Variants in MAP7 observed in about 807,000 individuals in gnomAD.
MAP7 encodes microtubule associated protein 7.
Under a neutral mutation model 94.8 loss-of-function variants are expected in MAP7, and 52 were observed. That is an observed-to-expected ratio of 0.55 (90% CI 0.44 to 0.69). The LOEUF is 0.69. Ranked by LOEUF, MAP7 falls within the 30% of genes least tolerant of loss-of-function variation. The pLI is 0.00. For synonymous variants in MAP7, 350 were observed against 357.0 expected, an observed-to-expected ratio of 0.98 and a Z score of 0.22; for missense variants, 940 against 964.6, an observed-to-expected ratio of 0.97 and a Z score of 0.34.
chr6:136,367,042 T>C (rs1199869717), intron 8 of MAP7, among the ~76,000 whole-genome samples: 1 of 152,198 alleles, frequency 6.6e-6, no homozygotes, highest in Non-Finnish European at 1.5e-5. Context: ...AGGTTTAAAG[T>C]GAGGAATTTC....
At chr6:136,493,812 C>T (rs1404719008) in intron 1 of MAP7, among the ~76,000 whole-genome samples, 1 of 152,128 alleles carries the variant, frequency 6.6e-6, no homozygotes, top group Non-Finnish European at 1.5e-5. Flanking sequence ...TTTTATCTCC[C>T]CATAAGTCTA....
rs373351424 is a variant in MAP7, at chr6:136,550,207, G to A, written c.67+135C>T. ...TCGGAGCAGGGTGCGCGGCGCGCAG[G>A]GCCGGTTGTTCCGGGCCGCGGCCGC... is the stretch of plus-strand genomic sequence containing the variant. On this transcript the variant is annotated intron_variant, in intron 1 of 17. Coordinates refer to ENST00000354570, the MANE Select transcript of MAP7 (RefSeq NM_003980.6). This position sits in a 1 kb window ranked among gnomAD's most constrained non-coding sequence, Gnocchi z 5.1. 3,064 of 624,936 alleles carry A rather than the reference G, an allele frequency of 4.9e-3. 53 individuals carry two copies. In the East Asian group the frequency reaches 0.055, roughly 11 times the overall value. 38.7% of individuals were successfully genotyped at this position (624,936 alleles called of 1,614,324 possible).
chr6:136,534,947 GGA>G (rs1445336690), intron 1 of MAP7, among the ~76,000 whole-genome samples: 1 of 152,164 alleles, frequency 6.6e-6, no homozygotes, highest in Non-Finnish European at 1.5e-5. Context: ...ACATGGGGAT[GGA>G]GAGAGGGTTG....
intron 1 of MAP7, among the ~76,000 whole-genome samples, chr6:136,486,275 C>T (rs747479487): frequency 6.6e-5 from 10 of 152,044 alleles, no homozygotes; most frequent in African/African-American, 1.7e-4. Context: ...ATTATGTGCC[C>T]GGCAAAATCA....
intron 2 of MAP7, among the ~76,000 whole-genome samples, chr6:136,421,440 C>T (rs1791322866): frequency 6.6e-6 from 1 of 152,144 alleles, no homozygotes; most frequent in Admixed American, 6.6e-5. Flanking sequence ...CAAAATGACT[C>T]TGAGAGGTAA....
intron 9 of MAP7, 75 bp from the exon 10 acceptor site, chr6:136,366,093 G>T: frequency 1.4e-6 from 2 of 1,435,842 alleles, no homozygotes; most frequent in Non-Finnish European, 1.9e-6. Flanking sequence ...AACACGACTC[G>T]ATGGAAGAGA....
At chr6:136,519,608 C>T (rs897760811) in intron 1 of MAP7, among the ~76,000 whole-genome samples, 48 of 152,066 alleles carry the variant, frequency 3.2e-4, no homozygotes, top group African/African-American at 1.1e-3. Flanking sequence ...CGTTTGGAAA[C>T]CTTAACTGGA....
At chr6:136,493,416 C>T (rs1562459995) in intron 1 of MAP7, among the ~76,000 whole-genome samples, 1 of 152,040 alleles carries the variant, frequency 6.6e-6, no homozygotes, top group Non-Finnish European at 1.5e-5. Context: ...AGCCACCGCA[C>T]CGGCTTCTTC....
chr6:136,529,112 C>T (rs1828263268), intron 1 of MAP7, among the ~76,000 whole-genome samples: 1 of 152,046 alleles, frequency 6.6e-6, no homozygotes, highest in Non-Finnish European at 1.5e-5. Flanking sequence ...GTAAAATAAA[C>T]ACTACTCTGA....
chr6:136,423,953 G>A (rs1346533209), intron 1 of MAP7, among the ~76,000 whole-genome samples: 5 of 151,836 alleles, frequency 3.3e-5, no homozygotes, highest in South Asian at 2.1e-4. Context: ...GCGCCACCAC[G>A]CCTGGATAAT....
At chr6:136,436,547 T>C (rs1014578485) in intron 1 of MAP7, among the ~76,000 whole-genome samples, 9 of 152,060 alleles carry the variant, frequency 5.9e-5, no homozygotes, top group Non-Finnish European at 1.0e-4. Context: ...ATCCAGCTGA[T>C]ATTTTTATTT....
intron 1 of MAP7, among the ~76,000 whole-genome samples, chr6:136,525,242 AAC>A (rs890108125): frequency 2.6e-5 from 4 of 152,184 alleles, no homozygotes; most frequent in African/African-American, 9.7e-5. Context: ...AGTTATCATC[AAC>A]AGTTATACAA....
At chr6:136,492,500 T>C (rs1013735225) in intron 1 of MAP7, among the ~76,000 whole-genome samples, 2 of 152,216 alleles carry the variant, frequency 1.3e-5, no homozygotes, top group African/African-American at 4.8e-5. Flanking sequence ...CATGTAAATA[T>C]AATCTTAGCT....
rs113567126 is a variant in MAP7, at chr6:136,473,210, T to C, written c.68-51411A>G. Among the ~76,000 whole-genome samples the C allele has an allele frequency of 7.8e-3, 1,192 of 152,284 alleles. 8 individuals are homozygous for C. The highest frequency in any genetic ancestry group is 0.012 in the Admixed American group (184 of 15,296). ...AACAGAAGTGCTCGTCTTCTCTCTA[T>C]AGAAACCAAAAACACATTGATTAAC... is the stretch of plus-strand genomic sequence containing the variant. On this transcript the variant is annotated intron_variant, in intron 1 of 17. Coordinates refer to ENST00000354570, the MANE Select transcript of MAP7 (RefSeq NM_003980.6).
Position 136,388,517 on chromosome 6 carries a change from T to TGGAATAGAAGAGCTGAGGATTA in MAP7, c.409-29_409-8dup. On this transcript the variant is annotated splice_polypyrimidine_tract_variant and splice_region_variant and intron_variant, in intron 4 of 17. Transcript: ENST00000354570. ...CAACAGCTTCGTGGCGTTCCTTAGA[T>TGGAATAGAAGAGCTGAGGATTA]GGAATAGAAGAGCTGAGGATTAGAT... 1 of 1,611,060 alleles carries TGGAATAGAAGAGCTGAGGATTA rather than the reference T, an allele frequency of 6.2e-7. No homozygotes were observed. The highest frequency in any genetic ancestry group is 8.5e-7 in the Non-Finnish European group (1 of 1,177,248).
chr6:136,456,822 G>GAAGAAA (rs1554259490), intron 1 of MAP7, among the ~76,000 whole-genome samples: 2 of 69,024 alleles, frequency 2.9e-5, no homozygotes, highest in Non-Finnish European at 5.3e-5. Flanking sequence ...AGAAGAAGAA[G>GAAGAAA]GAAGAAGAAG....
chr6:136,525,231 C>T (rs554206539), intron 1 of MAP7, among the ~76,000 whole-genome samples: 17 of 152,290 alleles, frequency 1.1e-4, no homozygotes. Context: ...TACACGAATT[C>T]AGTTATCATC....
At position 136,375,606 on chromosome 6, in the gene MAP7, G is replaced by T. The variant is rs920857648; in HGVS notation, c.751+2149C>A. 2.0e-5 allele frequency among the ~76,000 whole-genome samples: 3 copies of T among 152,066 alleles called. No individual in the cohort carries two copies. The South Asian group carries it at 6.2e-4, about 32-fold the overall frequency. On this transcript the variant is annotated intron_variant, in intron 7 of 17. Transcript: ENST00000354570. ...AAAATGTGGTTTTGACAAGATAATCGGAAGAGATGTTTGCATATATACTTC... is the reference window on the plus strand; with the variant it reads ...AAAATGTGGTTTTGACAAGATAATCTGAAGAGATGTTTGCATATATACTTC...
At chr6:136,529,779 C>A (rs1436383221) in intron 1 of MAP7, among the ~76,000 whole-genome samples, 1 of 152,134 alleles carries the variant, frequency 6.6e-6, no homozygotes, top group Non-Finnish European at 1.5e-5. Context: ...TTAAAACAGT[C>A]CAATAGGCCC....
Sources: gnomAD v4.1 joint callset for allele counts (sites outside exome capture counted in the v4.1 genomes callset) on GRCh38, gnomAD v4.1.1 for gene constraint, Gnocchi (gnomAD v3.1) non-coding constraint, MANE v1.5 for transcripts, NCBI Gene and HGNC (gene_info 2026-07-23, HGNC 2026-07-21) for gene names.